Variants in GRK7 observed in about 807,000 individuals in gnomAD.
GRK7 encodes rhodopsin kinase GRK7.
A neutral mutation model predicts 34.1 loss-of-function variants in GRK7; 24 were observed. The ratio of observed to expected loss-of-function variants is 0.70; its 90% CI spans 0.51 to 0.99. GRK7 has a LOEUF of 0.99. GRK7 is among the 50% of genes least tolerant of loss of function. The pLI, the probability that GRK7 is intolerant of heterozygous loss-of-function variation, is 0.00. For synonymous variants in GRK7, 256 were observed against 279.4 expected, an observed-to-expected ratio of 0.92 and a Z score of 0.84; for missense variants, 644 against 707.3, an observed-to-expected ratio of 0.91 and a Z score of 1.02.
Position 141,815,140 on chromosome 3 carries a change from G to T in GRK7, c.1326-1574G>T, listed in dbSNP as rs553371617. On this transcript the variant is annotated intron_variant, in intron 5 of 5. Transcript: ENST00000682958. Reference sequence around the variant, plus strand: ...GGGTTTCACCATGTTGCCCAGGCTGGTCTCAAACTCCTGAGCTCAGGCAAT... The same window carrying T: ...GGGTTTCACCATGTTGCCCAGGCTGTTCTCAAACTCCTGAGCTCAGGCAAT... Among the ~76,000 whole-genome samples, 6 of 152,130 alleles carry T rather than the reference G, an allele frequency of 3.9e-5. No homozygotes were observed. In the East Asian group the frequency reaches 9.7e-4, roughly 25 times the overall value.
At chr3:141,816,645 T>C (rs1295367685) in intron 5 of GRK7, 69 bp from the exon 6 acceptor site, 2 of 824,370 alleles carry the variant, frequency 2.4e-6, no homozygotes, top group African/African-American at 3.4e-5. Flanking sequence ...ACACACTTTG[T>C]ATTGTTAGAA....
chr3:141,775,245 T>G (rs1206771011), intron 2 of GRK7, among the ~76,000 whole-genome samples: 1 of 152,020 alleles, frequency 6.6e-6, no homozygotes, highest in Non-Finnish European at 1.5e-5. Context: ...ACTAAAAATA[T>G]GAAGATTAGC....
In GRK7 at chr3:141,778,827, C is replaced by G. The variant is rs141991963; in HGVS notation, c.543C>G (p.Phe181Leu). ...ACAAGTTTCTGCAGTGGAAACTCTT[C>G]GAGATGCAACCAGTGTCAGACAAGT... ...FYDKFLQWKL[F>L]EMQPVSDKYF... is the part of the protein sequence containing the mutation. The change falls in exon 3 of 6, where the codon TTC becomes TTG. Residue 181 changes from phenylalanine to leucine, a missense_variant. By Grantham distance (22) the Phe-to-Leu change is conservative. Coordinates refer to ENST00000682958, the MANE Select transcript of GRK7 (RefSeq NM_139209.3). The surrounding 1 kb of genome is among the most constrained non-coding windows in gnomAD (Gnocchi z 4.1). 20 of 1,611,786 alleles carry G rather than the reference C, an allele frequency of 1.2e-5. No homozygotes were observed. Among genetic ancestry groups the G allele is most frequent in the South Asian group, 7.7e-5 (7 of 90,642 alleles).
At chr3:141,805,533 C>A (rs960875428) in intron 4 of GRK7, among the ~76,000 whole-genome samples, 1 of 152,162 alleles carries the variant, frequency 6.6e-6, no homozygotes, top group African/African-American at 2.4e-5. Context: ...CCAAGCAAAC[C>A]GGAACATATG....
chr3:141,812,331 G>A (rs745879102), intron 5 of GRK7, among the ~76,000 whole-genome samples: 7 of 152,184 alleles, frequency 4.6e-5, no homozygotes, highest in East Asian at 1.9e-4. Flanking sequence ...AAAGTGTACC[G>A]CACAATGATG....
chr3:141,772,090 TTTAA>T (rs2084619606), intron 1 of GRK7, among the ~76,000 whole-genome samples: 3 of 152,134 alleles, frequency 2.0e-5, no homozygotes, highest in East Asian at 1.9e-4. Flanking sequence ...TTTTATTTTA[TTTAA>T]TTAATTAATT....
rs187894144 is a variant in GRK7 at position 141,802,759 on chromosome 3, A to G, written c.1051-4886A>G. The stretch of plus-strand genomic sequence containing the variant: ...TAATCAACTGGATGACATGTCGGCA[A>G]TATAGCTCTTCGGATAATCCCTGAG... On this transcript the variant is annotated intron_variant, in intron 4 of 5. Coordinates refer to ENST00000682958, the MANE Select transcript of GRK7 (RefSeq NM_139209.3). 1.3e-4 allele frequency among the ~76,000 whole-genome samples: 20 copies of G among 152,280 alleles called. No homozygotes were observed. The East Asian group carries it at 3.7e-3, about 28-fold the overall frequency.
intron 4 of GRK7, among the ~76,000 whole-genome samples, chr3:141,803,115 A>G (rs1034414550): frequency 3.3e-5 from 5 of 152,140 alleles, no homozygotes; most frequent in Non-Finnish European, 7.4e-5. Flanking sequence ...TAATTTAACT[A>G]CTATAAAAAC....
chr3:141,801,268 G>T (rs1044446783), intron 4 of GRK7, among the ~76,000 whole-genome samples: 50 of 133,706 alleles, frequency 3.7e-4, no homozygotes, highest in African/African-American at 1.4e-3. Context: ...CCAAGATTGC[G>T]CCACTGCACT....
At chr3:141,762,709 C>T (rs1193012702), upstream of GRK7, among the ~76,000 whole-genome samples, 1 of 152,084 alleles carries the variant, frequency 6.6e-6, no homozygotes. Context: ...CGCCCCTCCC[C>T]CAGCCTCGCT....
At chr3:141,801,310 CAAAAAAAAAAAAA>C (rs55657739) in intron 4 of GRK7, among the ~76,000 whole-genome samples, 863 of 70,082 alleles carry the variant, frequency 0.012, 15 homozygotes, top group African/African-American at 0.048. Flanking sequence ...GACTCCGTCT[CAAAAAAAAAAAAA>C]AAAAAAAAAA....
At chr3:141,784,322 A>G (rs1467200) in intron 4 of GRK7, among the ~76,000 whole-genome samples, 49,065 of 152,090 alleles carry the variant, frequency 0.32, 11,926 homozygotes, top group African/African-American at 0.69. Context: ...TTACCTCTGC[A>G]TCCCTCTCCG....
At position 141,765,499 on chromosome 3, in the gene GRK7, G is replaced by T. The variant is rs1427492054; in HGVS notation, c.-454G>T. The stretch of plus-strand genomic sequence containing the variant: ...TTTACAGCTACTCCTATCAACCTGG[G>T]CTAGGCTTGTGACCAGTAGAATGTG... On this transcript the variant is annotated 5_prime_UTR_variant, in exon 1 of 6. Transcript: ENST00000682958. Among the ~76,000 whole-genome samples the T allele has an allele frequency of 6.6e-6, 1 of 152,122 alleles. No individual in the cohort carries two copies. Among genetic ancestry groups the T allele is most frequent in the Non-Finnish European group, 1.5e-5 (1 of 68,014 alleles).
In GRK7 at chr3:141,777,322, CT is replaced by C. The variant is rs770173065; in HGVS notation, c.-113-830del. ...TATGTTTTGGGTGGAGATGGCCCCT[CT>C]TTTTTTTTTTTTTTTTTTTGAGACG... On this transcript the variant is annotated intron_variant, in intron 2 of 5. Transcript: ENST00000682958. Among the ~76,000 whole-genome samples, 402 of 52,868 alleles carry C rather than the reference CT, an allele frequency of 7.6e-3. 6 individuals carry two copies. The highest frequency in any genetic ancestry group is 0.029 in the African/African-American group (329 of 11,158). The allele number at this position is 52,868 out of a possible 152,430, so 34.7% of individuals were successfully genotyped here.
intron 4 of GRK7, among the ~76,000 whole-genome samples, chr3:141,787,432 T>C (rs2084702406): frequency 6.6e-6 from 1 of 152,016 alleles, no homozygotes. Flanking sequence ...GAGACCAGCC[T>C]GGCCAACATG....
the GRK7 span, among the ~76,000 whole-genome samples, chr3:141,750,437 T>G: frequency 1.4e-4 from 22 of 152,354 alleles, no homozygotes; most frequent in African/African-American, 5.3e-4. Flanking sequence ...CTGTGTGATC[T>G]TGCACAAAAT....
At position 141,817,535 on chromosome 3, in the gene GRK7, G is replaced by A. The variant is rs1350413935; in HGVS notation, c.*485G>A. ...GTTTCTGACATTCTCCCCCTAAAAA[G>A]GAGTGGATTACAATATTTTGGCAAT... On this transcript the variant is annotated 3_prime_UTR_variant, in exon 6 of 6. Coordinates refer to ENST00000682958, the MANE Select transcript of GRK7 (RefSeq NM_139209.3). 3 of 152,534 alleles carry A rather than the reference G, an allele frequency of 2.0e-5. No homozygotes were observed. The highest frequency in any genetic ancestry group is 4.4e-5 in the Non-Finnish European group (3 of 68,272). The allele number at this position is 152,534 out of a possible 1,614,324, so 9.4% of individuals were successfully genotyped here. A position where few individuals can be genotyped will look rare whatever the true frequency, so the allele number is the denominator to read the frequency against.
chr3:141,755,704 A>G, the GRK7 span, among the ~76,000 whole-genome samples: 1 of 152,028 alleles, frequency 6.6e-6, no homozygotes, highest in Admixed American at 6.5e-5. Flanking sequence ...GAACATGTAG[A>G]GGAATTGGAA....
intron 1 of GRK7, among the ~76,000 whole-genome samples, chr3:141,768,343 G>A (rs926979798): frequency 4.2e-4 from 63 of 148,890 alleles, no homozygotes; most frequent in Non-Finnish European, 8.9e-4. Context: ...TTGGCTCACT[G>A]CAGACTCCGC....
Sources: gnomAD v4.1 joint callset for allele counts (sites outside exome capture counted in the v4.1 genomes callset) on GRCh38, gnomAD v4.1.1 for gene constraint, Gnocchi (gnomAD v3.1) non-coding constraint, MANE v1.5 for transcripts, NCBI Gene and HGNC (gene_info 2026-07-23, HGNC 2026-07-21) for gene names.